Variants in PIGG observed in about 807,000 individuals in gnomAD.
The protein encoded by PIGG is GPI ethanolamine phosphate transferase 2, catalytic subunit.
A neutral mutation model predicts 83.2 loss-of-function variants in PIGG; 70 were observed. That is an observed-to-expected ratio of 0.84 (90% CI 0.69 to 1.03). The LOEUF (loss-of-function observed/expected upper bound fraction) is 1.03, where lower values mean the gene tolerates loss of function less well. Among genes scored for constraint, PIGG ranks in the 50% least tolerant of loss-of-function variants. PIGG has a pLI of 0.00. For synonymous variants in PIGG, 532 were observed against 519.5 expected, an observed-to-expected ratio of 1.02 and a Z score of -0.33; for missense variants, 1,257 against 1,233.6, an observed-to-expected ratio of 1.02 and a Z score of -0.28.
At chr4:505,961 A>G (rs377214030) in intron 3 of PIGG, 34 bp downstream of exon 3, 2 of 1,379,910 alleles carry the variant, frequency 1.4e-6, no homozygotes, top group Non-Finnish European at 2.1e-6. Context: ...ATATCATACT[A>G]GAATATCATA....
rs1276352521 is a variant in PIGG at position 521,640 on chromosome 4, C to A, written c.1333-20C>A. ...CTCCAAGCCCAGCAGTCTGTGGATGCTGCTGTTTCTCTGTTCCAGGTTCTC... is the reference window on the plus strand; with the variant it reads ...CTCCAAGCCCAGCAGTCTGTGGATGATGCTGTTTCTCTGTTCCAGGTTCTC... On this transcript the variant is annotated intron_variant, in intron 7 of 12. Transcript: ENST00000453061. 2 of 1,609,954 alleles carry A rather than the reference C, an allele frequency of 1.2e-6. No individual in the cohort carries two copies. Among genetic ancestry groups the A allele is most frequent in the East Asian group, 4.5e-5 (2 of 44,800 alleles).
At chr4:505,658 G>A in intron 2 of PIGG, 60 bp from the exon 3 acceptor site, 1 of 1,172,886 alleles carries the variant, frequency 8.5e-7, no homozygotes, top group Non-Finnish European at 1.3e-6. Context: ...AATCTTCAGT[G>A]CCCTTTTCAT....
rs778124317 is a variant in PIGG, at chr4:533,799, C to T, written c.2572-19C>T. 6.2e-7 allele frequency: 1 copy of T among 1,613,098 alleles called. No individual in the cohort carries two copies. The highest frequency in any genetic ancestry group is 1.7e-5 in the Admixed American group (1 of 60,010). On this transcript the variant is annotated intron_variant, in intron 11 of 12. Coordinates refer to ENST00000453061, the MANE Select transcript of PIGG (RefSeq NM_001127178.3). ...CCACGTGTTGTGAGGCCTTTGTCAGCTCTTCTCCTGTATTCCAGGGCAACT... is the reference window on the plus strand; with the variant it reads ...CCACGTGTTGTGAGGCCTTTGTCAGTTCTTCTCCTGTATTCCAGGGCAACT...
In PIGG at chr4:530,609, A is replaced by G. The variant is rs1419198898; in HGVS notation, c.2435A>G (p.His812Arg). The change falls in exon 11 of 13, where the codon CAT (histidine) becomes CGT (arginine). Residue 812 changes from histidine (H) to arginine (R), a missense_variant. Physicochemically the swap from His to Arg is conservative, Grantham distance 29. Transcript: ENST00000453061. ...VLLAALLFRP[H>R]NLPVLAFSLL... ...CTGGCAGCCTTGCTCTTTAGACCAC[A>G]TAATCTTCCGGTCTTAGCATTTAGC... The G allele has an allele frequency of 6.2e-6, 10 of 1,613,970 alleles. No homozygotes were observed. The highest frequency in any genetic ancestry group is 2.2e-5 in the South Asian group (2 of 91,082).
Position 516,166 on chromosome 4 carries a change from T to A in PIGG, c.1095T>A (p.Asn365Lys). The stretch of plus-strand genomic sequence containing the variant: ...AGCTTAGTAAACTGTTGCAAGAGAA[T>A]GTGCCGTCATATGAAAAAGGTCAGT... Reference protein sequence around the residue: ...TVQLSKLLQENVPSYEKDPGF... With the variant: ...TVQLSKLLQEKVPSYEKDPGF... The change falls in exon 6 of 13, where the codon AAT (asparagine) becomes AAA (lysine). Residue 365 changes from asparagine (N) to lysine (K), a missense_variant. By Grantham distance (94) the Asn-to-Lys change is moderately conservative. Transcript: ENST00000453061. The A allele has an allele frequency of 6.2e-7, 1 of 1,613,306 alleles. No homozygotes were observed.
At chr4:500,184 T>TA in intron 1 of PIGG, 2 of 583,932 alleles carry the variant, frequency 3.4e-6, no homozygotes. Flanking sequence ...AATTCACTGC[T>TA]TGCTACTGTG....
chr4:512,681 G>GAC (rs1560302435), intron 5 of PIGG, among the ~76,000 whole-genome samples: 1 of 151,812 alleles, frequency 6.6e-6, no homozygotes, highest in Non-Finnish European at 1.5e-5. Flanking sequence ...CAGATGTGGT[G>GAC]GTGGGCGCCT....
chr4:531,286 A>G (rs1728999460), intron 11 of PIGG: 1 of 168,068 alleles, frequency 5.9e-6, no homozygotes, highest in Admixed American at 6.3e-5. Flanking sequence ...CCTCCCGGCA[A>G]CCTCAGGAGA....
chr4:535,706 T>C (rs1730407066), intron 12 of PIGG, among the ~76,000 whole-genome samples: 1 of 152,126 alleles, frequency 6.6e-6, no homozygotes, highest in South Asian at 2.1e-4. Context: ...ACTTGGAGGC[T>C]TCTCCTGCCG....
At chr4:510,256 C>T (rs782240207) in intron 5 of PIGG, among the ~76,000 whole-genome samples, 9 of 152,194 alleles carry the variant, frequency 5.9e-5, no homozygotes, top group Non-Finnish European at 7.3e-5. Context: ...AAAAGTATCC[C>T]TTATGGGAAA....
At chr4:501,064 CCT>C (rs1210685641) in intron 2 of PIGG, 2 of 454,384 alleles carry the variant, frequency 4.4e-6, no homozygotes, top group East Asian at 1.4e-4. Context: ...TATGTTCCGG[CCT>C]CAACAATTAC....
intron 12 of PIGG, among the ~76,000 whole-genome samples, chr4:536,507 G>A (rs531220452): frequency 1.4e-4 from 22 of 152,372 alleles, no homozygotes; most frequent in Non-Finnish European, 2.2e-4. Context: ...CACCCACTGT[G>A]GCGGCGCTGT....
Position 499,420 on chromosome 4 carries a change from C to G in PIGG, c.85C>G (p.Pro29Ala), listed in dbSNP as rs201934688. ...GIAVFLRGFFPAPVRSSARAE... is the reference protein window; with the variant it reads ...GIAVFLRGFFAAPVRSSARAE... ...CGCGGTCTTCCTTCGGGGATTCTTC[C>G]CGGCTCCCGTTCGTTCCTCTGCCAG... is the stretch of plus-strand genomic sequence containing the variant. The change falls in exon 1 of 13, where the codon CCG becomes GCG. Residue 29 changes from proline to alanine, a missense_variant. Coordinates refer to ENST00000453061, the MANE Select transcript of PIGG (RefSeq NM_001127178.3). 1.3e-5 allele frequency: 21 copies of G among 1,608,218 alleles called. No individual in the cohort carries two copies. In the African/African-American group the frequency reaches 2.7e-4, roughly 20 times the overall value.
In PIGG at chr4:528,163, A is replaced by G. The variant is rs931299607; in HGVS notation, c.2261+933A>G. The G allele has an allele frequency of 1.5e-5, 15 of 984,866 alleles. No individual in the cohort carries two copies. The South Asian group carries it at 5.6e-4, about 37-fold the overall frequency. The allele number at this position is 984,866 out of a possible 1,614,324, so 61.0% of individuals were successfully genotyped here. ...GGGTCTTCTGGCTGTTAGGCAGCCT[A>G]TTTTCACAGAACAGAGAAGCATGTT... On this transcript the variant is annotated intron_variant, in intron 10 of 12. Transcript: ENST00000453061. The surrounding 1 kb of genome is among the most constrained non-coding windows in gnomAD (Gnocchi z 4.8).
Position 500,388 on chromosome 4 carries a change from A to C in PIGG, c.155-8A>C. On this transcript the variant is annotated splice_polypyrimidine_tract_variant and splice_region_variant and intron_variant, in intron 1 of 12. Coordinates refer to ENST00000453061, the MANE Select transcript of PIGG (RefSeq NM_001127178.3). ...TTCAATTTCCTTTTTTTTCTTTCAA[A>C]CACTTAGGAGCCAGTTCTAACTGGA... The C allele has an allele frequency of 6.2e-7, 1 of 1,607,244 alleles. No homozygotes were observed. The highest frequency in any genetic ancestry group is 8.5e-7 in the Non-Finnish European group (1 of 1,175,646).
intron 2 of PIGG, 49 bp downstream of exon 2, chr4:500,650 AT>A: frequency 8.5e-7 from 1 of 1,170,126 alleles, no homozygotes; most frequent in South Asian, 1.2e-5. Flanking sequence ...TGTTTTGAAG[AT>A]TTAGAGGGGG....
rs1394435091 is a variant in PIGG at position 515,504 on chromosome 4, G to A, written c.902-469G>A. On this transcript the variant is annotated intron_variant, in intron 5 of 12. Transcript: ENST00000453061. This position sits in a 1 kb window ranked among gnomAD's most constrained non-coding sequence, Gnocchi z 4.2. ...AAGCACCCACAGCTGCCCAGGAGCC[G>A]TGAAGGGTTTATTTTCTCCATGAGC... Among the ~76,000 whole-genome samples, 2 of 152,330 alleles carry A rather than the reference G, an allele frequency of 1.3e-5. No individual in the cohort carries two copies. Among genetic ancestry groups the A allele is most frequent in the South Asian group, 2.1e-4 (1 of 4,830 alleles).
At chr4:526,217 C>G (rs537775989) in intron 9 of PIGG, among the ~76,000 whole-genome samples, 2 of 152,298 alleles carry the variant, frequency 1.3e-5, no homozygotes, top group East Asian at 3.9e-4. Flanking sequence ...TGTAAAAACG[C>G]GTGCCATTTA....
chr4:538,225 G>C (rs570113860), intron 12 of PIGG, among the ~76,000 whole-genome samples: 83 of 152,258 alleles, frequency 5.5e-4, no homozygotes, highest in African/African-American at 1.9e-3. Context: ...CATGGAAAGT[G>C]CCCAAATAAT....
Sources: gnomAD v4.1 joint callset for allele counts (sites outside exome capture counted in the v4.1 genomes callset) on GRCh38, gnomAD v4.1.1 for gene constraint, Gnocchi (gnomAD v3.1) non-coding constraint, MANE v1.5 for transcripts, NCBI Gene and HGNC (gene_info 2026-07-23, HGNC 2026-07-21) for gene names.